Variants in PCDHA5 observed in about 807,000 individuals in gnomAD.
The protein encoded by PCDHA5 is protocadherin alpha 5, also known as protocadherin alpha-5.
A neutral mutation model predicts 61.6 loss-of-function variants in PCDHA5; 43 were observed. That is an observed-to-expected ratio of 0.70 (90% CI 0.55 to 0.90). The LOEUF is 0.90. Ranked by LOEUF, PCDHA5 falls within the 40% of genes least tolerant of loss-of-function variation. The probability of loss-of-function intolerance (pLI) is 0.00; values close to 1 mark genes in which losing one functional copy is unlikely to be tolerated. For missense variants in PCDHA5, 1,298 were observed against 1,222.7 expected (o/e 1.06, Z -0.92); for synonymous variants, 627 against 543.9 (o/e 1.15, Z -2.13).
chr5:141,000,415 ATATATATTTTTTT>A (rs1176788591), intron 3 of PCDHA5, among the ~76,000 whole-genome samples: 1 of 87,398 alleles, frequency 1.1e-5, no homozygotes, highest in Non-Finnish European at 2.1e-5. Flanking sequence ...ATATATATAT[ATATATATTTTTTT>A]TTTTTTTTTT....
intron 1 of PCDHA5, among the ~76,000 whole-genome samples, chr5:140,837,701 TC>T (rs1775215037): frequency 6.6e-6 from 1 of 151,452 alleles, no homozygotes; most frequent in South Asian, 2.1e-4. Context: ...CAAGACACGC[TC>T]TCACTCCATC....
At chr5:140,877,274 C>G (rs781933102) in intron 1 of PCDHA5, 1 of 1,613,856 alleles carries the variant, frequency 6.2e-7, no homozygotes, top group South Asian at 1.1e-5. Context: ...GACGCTGACT[C>G]CGGCTATAAC....
intron 1 of PCDHA5, chr5:140,850,511 CG>C (rs1562470746): frequency 6.3e-7 from 1 of 1,598,154 alleles, no homozygotes; most frequent in Non-Finnish European, 8.6e-7. Flanking sequence ...TGGTGGAGAG[CG>C]GCCAGGCGCC....
intron 1 of PCDHA5, among the ~76,000 whole-genome samples, chr5:140,922,582 G>A (rs548638056): frequency 2.6e-5 from 4 of 152,276 alleles, no homozygotes; most frequent in Non-Finnish European, 4.4e-5. Context: ...CCCTGTAGCC[G>A]CCAGTTCTCA....
intron 1 of PCDHA5, chr5:140,870,971 T>TG (rs782370379): frequency 3.7e-6 from 6 of 1,613,594 alleles, no homozygotes; most frequent in Non-Finnish European, 5.1e-6. Context: ...CCGTTCCGCG[T>TG]GGGGCTGTAC....
chr5:140,858,157 C>T (rs782793736), intron 1 of PCDHA5: 2 of 1,597,628 alleles, frequency 1.3e-6, no homozygotes, highest in Admixed American at 1.7e-5. Flanking sequence ...TCGCCATCTG[C>T]GCGGTGTCCA....
At chr5:140,824,377 T>A in intron 1 of PCDHA5, 1 of 566,840 alleles carries the variant, frequency 1.8e-6, no homozygotes, top group Non-Finnish European at 3.1e-6. Context: ...GAATTTTGCA[T>A]CTCTAAAAAT....
intron 1 of PCDHA5, chr5:140,875,192 C>T (rs2055339316): frequency 2.0e-6 from 1 of 509,102 alleles, no homozygotes. Flanking sequence ...AAGAGTGACC[C>T]AGGAAGTGGC....
rs997332881 is a variant in PCDHA5 at position 140,887,348 on chromosome 5, G to A, written c.2352+63221G>A. On this transcript the variant is annotated intron_variant, in intron 1 of 3. Transcript: ENST00000529859. ...CCTGACCTCGTGATCCACCTGGCTCGGCCTCCCAAAGTGCTGGGATTACAG... is the reference window on the plus strand; with the variant it reads ...CCTGACCTCGTGATCCACCTGGCTCAGCCTCCCAAAGTGCTGGGATTACAG... Among the ~76,000 whole-genome samples, 8 of 151,974 alleles carry A rather than the reference G, an allele frequency of 5.3e-5. 1 individual carries two copies. The highest frequency in any genetic ancestry group is 8.8e-5 in the Non-Finnish European group (6 of 67,980).
At chr5:140,903,982 T>G (rs782635653) in intron 1 of PCDHA5, among the ~76,000 whole-genome samples, 5 of 152,232 alleles carry the variant, frequency 3.3e-5, no homozygotes, top group African/African-American at 4.8e-5. Flanking sequence ...CTATTCACAA[T>G]GTAACAGCTA....
chr5:140,996,630 A>G (rs765477034), intron 3 of PCDHA5, among the ~76,000 whole-genome samples: 10 of 152,210 alleles, frequency 6.6e-5, no homozygotes, highest in Non-Finnish European at 1.5e-4. Flanking sequence ...TGGTTCCTGC[A>G]AATTATGTAG....
At chr5:140,830,192 A>T in intron 1 of PCDHA5, 2 of 1,613,630 alleles carry the variant, frequency 1.2e-6, no homozygotes, top group Non-Finnish European at 1.7e-6. Flanking sequence ...CGTGTACCTG[A>T]TCATCGCCAT....
Position 140,822,395 on chromosome 5 carries a change from A to G in PCDHA5, c.620A>G (p.His207Arg), listed in dbSNP as rs2150116000. The G allele has an allele frequency of 6.2e-7, 1 of 1,614,144 alleles. No individual in the cohort carries two copies. The highest frequency in any genetic ancestry group is 1.1e-5 in the South Asian group (1 of 91,090). Residue 207 changes from histidine to arginine, a missense_variant, in exon 1 of 4, where the codon CAC becomes CGC. Transcript: ENST00000529859. ...TTAGATAGAGAAGAAACACAAGAAC[A>G]CCGTTTATTAGTGATTGCAACTGAT... Reference protein sequence around the residue: ...KSLDREETQEHRLLVIATDGG... With the variant: ...KSLDREETQERRLLVIATDGG...
Position 140,851,014 on chromosome 5 carries a change from T to G in PCDHA5, c.2352+26887T>G, listed in dbSNP as rs982386368. 9 of 1,434,762 alleles carry G rather than the reference T, an allele frequency of 6.3e-6. No individual in the cohort carries two copies. In the East Asian group the frequency reaches 2.2e-4, roughly 35 times the overall value. The allele number at this position is 1,434,762 out of a possible 1,614,324, so 88.9% of individuals were successfully genotyped here. On this transcript the variant is annotated intron_variant, in intron 1 of 3. Coordinates refer to ENST00000529859, the MANE Select transcript of PCDHA5 (RefSeq NM_018908.3). ...CTAGAAATCCAGCAGATTTTTTTTC[T>G]GATAAAGTAAACCCCTTAACATTGG... is the stretch of plus-strand genomic sequence containing the variant.
chr5:140,876,970 G>C, intron 1 of PCDHA5: 1 of 1,612,850 alleles, frequency 6.2e-7, no homozygotes. Context: ...GCGGCGGGTG[G>C]GCGAGCACGC....
rs781920774 is a variant in PCDHA5 at position 140,882,850 on chromosome 5, T to A, written c.2352+58723T>A. 4 of 1,614,090 alleles carry A rather than the reference T, an allele frequency of 2.5e-6. No homozygotes were observed. In the African/African-American group the frequency reaches 5.3e-5, roughly 22 times the overall value. ...TTGAGCAAATGTCTTCATTATCACT[T>A]GTACTGAGGAAAACACTGGACAGAG... On this transcript the variant is annotated intron_variant, in intron 1 of 3. Coordinates refer to ENST00000529859, the MANE Select transcript of PCDHA5 (RefSeq NM_018908.3).
At chr5:140,903,567 G>T (rs1554191019) in intron 1 of PCDHA5, among the ~76,000 whole-genome samples, 1 of 152,170 alleles carries the variant, frequency 6.6e-6, no homozygotes, top group African/African-American at 2.4e-5. Flanking sequence ...GTGGAATTGG[G>T]AGCTGTCTAG....
intron 1 of PCDHA5, among the ~76,000 whole-genome samples, chr5:140,972,039 C>A (rs1274808907): frequency 2.6e-5 from 4 of 152,150 alleles, no homozygotes; most frequent in African/African-American, 9.7e-5. Context: ...TTTAAGCTAT[C>A]ACTAATTCAC....
chr5:140,955,006 C>T (rs1304080416), intron 1 of PCDHA5, among the ~76,000 whole-genome samples: 1 of 152,154 alleles, frequency 6.6e-6, no homozygotes, highest in African/African-American at 2.4e-5. Flanking sequence ...AGCCAATTCT[C>T]CCAGCACCAT....
Sources: gnomAD v4.1 joint callset for allele counts (sites outside exome capture counted in the v4.1 genomes callset) on GRCh38, gnomAD v4.1.1 for gene constraint, MANE v1.5 for transcripts, NCBI Gene and HGNC (gene_info 2026-07-23, HGNC 2026-07-21) for gene names.